Variants in FGD4 observed in about 807,000 individuals in gnomAD.
FGD4 encodes the protein FYVE, RhoGEF and PH domain containing 4, also known as FYVE, RhoGEF and PH domain-containing protein 4.
A neutral mutation model predicts 102.0 loss-of-function variants in FGD4; 42 were observed. That is an observed-to-expected ratio of 0.41 (90% CI 0.32 to 0.53). The LOEUF is 0.53. Among genes scored for constraint, FGD4 ranks in the 20% least tolerant of loss-of-function variants. The pLI is 0.21. For missense variants in FGD4, 902 were observed against 1,078.2 expected (o/e 0.84, Z 2.29); for synonymous variants, 380 against 375.7 (o/e 1.01, Z -0.13).
intron 1 of FGD4, among the ~76,000 whole-genome samples, chr12:32,479,370 T>C (rs1293954571): frequency 1.3e-5 from 2 of 152,166 alleles, no homozygotes; most frequent in Non-Finnish European, 2.9e-5. Context: ...TTCTATTTTA[T>C]TTTTAATAGA....
At chr12:32,611,327 A>AAAATATGGC in intron 10 of FGD4, 44 bp downstream of exon 10, 1 of 1,610,636 alleles carries the variant, frequency 6.2e-7, no homozygotes, top group Non-Finnish European at 8.5e-7. Context: ...ATTATATATA[A>AAAATATGGC]AAATATGGCT....
At chr12:32,490,717 GA>G (rs1206790904) in intron 1 of FGD4, among the ~76,000 whole-genome samples, 1 of 152,058 alleles carries the variant, frequency 6.6e-6, no homozygotes, top group East Asian at 1.9e-4. Flanking sequence ...TTTTTAATGG[GA>G]TGACAGCAGC....
At chr12:32,507,051 G>A (rs1056538054) in intron 1 of FGD4, among the ~76,000 whole-genome samples, 5 of 151,156 alleles carry the variant, frequency 3.3e-5, no homozygotes, top group Admixed American at 2.0e-4. Flanking sequence ...TTAGCATTAG[G>A]TATATCTCCT....
intron 1 of FGD4, among the ~76,000 whole-genome samples, chr12:32,414,865 A>G (rs1941343352): frequency 6.6e-6 from 1 of 152,152 alleles, no homozygotes; most frequent in African/African-American, 2.4e-5. Context: ...GTTCTTTAAG[A>G]TGAATGTTAG....
intron 1 of FGD4, chr12:32,534,328 C>T (rs1188865116): frequency 2.6e-5 from 37 of 1,402,802 alleles, no homozygotes; most frequent in Non-Finnish European, 2.4e-5. Flanking sequence ...AGTCATAGTG[C>T]ATTGGTCTGA....
chr12:32,519,342 CAG>C (rs1302378260), intron 1 of FGD4, among the ~76,000 whole-genome samples: 1 of 152,114 alleles, frequency 6.6e-6, no homozygotes, highest in Admixed American at 6.5e-5. Flanking sequence ...ACACTATAGA[CAG>C]AGCATTTTTG....
At chr12:32,436,331 C>G (rs1001653852) in intron 1 of FGD4, among the ~76,000 whole-genome samples, 2 of 152,126 alleles carry the variant, frequency 1.3e-5, no homozygotes, top group South Asian at 2.1e-4. Flanking sequence ...TTCAGGAACA[C>G]CTGTATCTTT....
intron 1 of FGD4, among the ~76,000 whole-genome samples, chr12:32,428,395 CTCT>C (rs767730535): frequency 4.6e-5 from 7 of 152,218 alleles, no homozygotes; most frequent in Admixed American, 1.3e-4. Context: ...TTGGTCCCCA[CTCT>C]TCTTCTGGCT....
chr12:32,608,055 G>A lies in FGD4; in HGVS notation c.1503G>A (p.Arg501=). 1 of 1,614,200 alleles carries A rather than the reference G, an allele frequency of 6.2e-7. No homozygotes were observed. The highest frequency in any genetic ancestry group is 8.5e-7 in the Non-Finnish European group (1 of 1,180,030). The change falls in exon 8 of 17, where the codon AGG becomes AGA. Residue 501 remains arginine (R), a synonymous_variant. Transcript: ENST00000534526. ...RYEMLLKDYL[R]KLPPDSLDWN... is the part of the protein sequence containing the mutation. ...AGATGCTCCTTAAGGACTATCTAAGGAAATTGCCTCCTGATTCCCTGGACT... is the reference window on the plus strand; with the variant it reads ...AGATGCTCCTTAAGGACTATCTAAGAAAATTGCCTCCTGATTCCCTGGACT...
chr12:32,420,631 G>C (rs1426955668), intron 1 of FGD4, among the ~76,000 whole-genome samples: 1 of 152,138 alleles, frequency 6.6e-6, no homozygotes, highest in African/African-American at 2.4e-5. Context: ...ATATCTCCTG[G>C]TTGGGACCTG....
intron 1 of FGD4, among the ~76,000 whole-genome samples, chr12:32,491,134 A>T (rs1337590348): frequency 1.0e-5 from 1 of 96,636 alleles, no homozygotes; most frequent in Non-Finnish European, 2.7e-5. Context: ...CTGCCAGTTA[A>T]AAAAAAAAAA....
At chr12:32,526,455 T>A (rs187776513) in intron 1 of FGD4, among the ~76,000 whole-genome samples, 30 of 152,308 alleles carry the variant, frequency 2.0e-4, no homozygotes, top group Non-Finnish European at 3.5e-4. Flanking sequence ...GTGGAAACTC[T>A]GTATCTAACT....
At chr12:32,542,345 T>C (rs758868339) in intron 1 of FGD4, among the ~76,000 whole-genome samples, 1 of 152,206 alleles carries the variant, frequency 6.6e-6, no homozygotes, top group Non-Finnish European at 1.5e-5. Flanking sequence ...AGTACAAAAT[T>C]AATAGCAACA....
chr12:32,602,156 T>C lies in FGD4; in HGVS notation c.1248-5T>C. The C allele has an allele frequency of 3.1e-6, 5 of 1,613,750 alleles. No individual in the cohort carries two copies. The highest frequency in any genetic ancestry group is 4.2e-6 in the Non-Finnish European group (5 of 1,179,956). On this transcript the variant is annotated splice_polypyrimidine_tract_variant and splice_region_variant and intron_variant, in intron 6 of 16. Coordinates refer to ENST00000534526, the MANE Select transcript of FGD4 (RefSeq NM_001370298.3). ...TAAAGACTTGTTTTTCTATATTTGA[T>C]ACAGGGAAACTACTCCTAGAATTGG...
chr12:32,635,873 G>C (rs147034965), intron 15 of FGD4, among the ~76,000 whole-genome samples: 1 of 151,852 alleles, frequency 6.6e-6, no homozygotes, highest in Non-Finnish European at 1.5e-5. Context: ...ATTAGCCCGC[G>C]TAGTGGTGTG....
intron 1 of FGD4, among the ~76,000 whole-genome samples, chr12:32,485,487 C>CTGGA (rs2136557187): frequency 7.2e-6 from 1 of 138,784 alleles, no homozygotes; most frequent in South Asian, 2.3e-4. Context: ...GTTGCCCAGG[C>CTGGA]TGGAGTGCAG....
intron 1 of FGD4, among the ~76,000 whole-genome samples, chr12:32,552,944 ATTTTTT>A (rs71068326): frequency 3.0e-4 from 37 of 123,882 alleles, no homozygotes; most frequent in Admixed American, 1.3e-3. Flanking sequence ...CGCCTGGCTA[ATTTTTT>A]TTTTTTTTTT....
chr12:32,410,930 T>C (rs867305074), intron 1 of FGD4, among the ~76,000 whole-genome samples: 36 of 142,218 alleles, frequency 2.5e-4, no homozygotes, highest in African/African-American at 1.0e-3. Context: ...CTTTTTTTTT[T>C]CTTTTTTTTT....
intron 1 of FGD4, among the ~76,000 whole-genome samples, chr12:32,461,195 T>C (rs1214891300): frequency 6.6e-6 from 1 of 152,208 alleles, no homozygotes; most frequent in East Asian, 1.9e-4. Context: ...TGGGAAAATA[T>C]CATATTTTAA....
Sources: gnomAD v4.1 joint callset for allele counts (sites outside exome capture counted in the v4.1 genomes callset) on GRCh38, gnomAD v4.1.1 for gene constraint, MANE v1.5 for transcripts, NCBI Gene and HGNC (gene_info 2026-07-23, HGNC 2026-07-21) for gene names.